OTOGL: variants seen among roughly 807,000 people sequenced by gnomAD.
The protein encoded by OTOGL is otogelin like.
A neutral mutation model predicts 318.5 loss-of-function variants in OTOGL; 285 were observed. The ratio of observed to expected loss-of-function variants is 0.89; its 90% CI spans 0.81 to 0.99. The LOEUF (loss-of-function observed/expected upper bound fraction) is 0.99, where lower values mean the gene tolerates loss of function less well. Ranked by LOEUF, OTOGL falls within the 50% of genes least tolerant of loss-of-function variation. The pLI is 0.00. For synonymous variants in OTOGL, 987 were observed against 936.5 expected, an observed-to-expected ratio of 1.05 and a Z score of -0.99; for missense variants, 2,899 against 2,845.6, an observed-to-expected ratio of 1.02 and a Z score of -0.43.
intron 26 of OTOGL, among the ~76,000 whole-genome samples, chr12:80,291,965 T>C (rs73358972): frequency 0.19 from 28,417 of 152,124 alleles, 3,249 homozygotes; most frequent in African/African-American, 0.31. Flanking sequence ...TTTTCTTTTT[T>C]TTCTTTTTCT....
At chr12:80,308,749 G>A (rs1008122521) in intron 29 of OTOGL, among the ~76,000 whole-genome samples, 8 of 152,340 alleles carry the variant, frequency 5.3e-5, no homozygotes, top group Admixed American at 1.3e-4. Flanking sequence ...CGGATCACTC[G>A]CGGTTAGGAG....
intron 26 of OTOGL, among the ~76,000 whole-genome samples, chr12:80,291,160 TG>T (rs1265973712): frequency 1.3e-5 from 2 of 152,208 alleles, no homozygotes; most frequent in Non-Finnish European, 2.9e-5. Flanking sequence ...TATGTTTAAT[TG>T]TAGAGAAATA....
intron 26 of OTOGL, among the ~76,000 whole-genome samples, chr12:80,291,267 T>C (rs1885025433): frequency 6.6e-6 from 1 of 152,240 alleles, no homozygotes; most frequent in East Asian, 1.9e-4. Context: ...CAGTTCCTCA[T>C]TTCTATGAAA....
intron 32 of OTOGL, among the ~76,000 whole-genome samples, chr12:80,315,354 A>G (rs891081960): frequency 1.3e-5 from 2 of 152,220 alleles, no homozygotes; most frequent in Non-Finnish European, 2.9e-5. Context: ...CTCAGCAAAC[A>G]TCCAGATTTG....
chr12:80,229,505 A>G (rs767247534), intron 8 of OTOGL, 127 bp downstream of exon 8: 5 of 1,283,466 alleles, frequency 3.9e-6, no homozygotes, highest in Non-Finnish European at 4.2e-6. Flanking sequence ...TCTTAAAGCT[A>G]TAACATACAG....
chr12:80,326,038 C>T (rs1887658563), intron 35 of OTOGL, among the ~76,000 whole-genome samples: 2 of 152,314 alleles, frequency 1.3e-5, no homozygotes, highest in African/African-American at 4.8e-5. Flanking sequence ...TGATTCTCAT[C>T]TCTACCTCCA....
chr12:80,210,224 A>C (rs1333293857), intron 2 of OTOGL, among the ~76,000 whole-genome samples: 1 of 152,136 alleles, frequency 6.6e-6, no homozygotes, highest in Admixed American at 6.6e-5. Flanking sequence ...AGTATTTTAA[A>C]TTCATGAAAT....
intron 1 of OTOGL, among the ~76,000 whole-genome samples, chr12:80,172,570 G>T (rs1874275022): frequency 6.6e-6 from 1 of 151,894 alleles, no homozygotes; most frequent in Non-Finnish European, 1.5e-5. Flanking sequence ...TCCTACAATT[G>T]GCTTGCTTTC....
intron 23 of OTOGL, 111 bp downstream of exon 23, chr12:80,270,265 T>A: frequency 1.2e-6 from 1 of 843,424 alleles, no homozygotes; most frequent in Non-Finnish European, 1.9e-6. Context: ...GGCTATAGCC[T>A]TGGGAATGTT....
At chr12:80,274,713 G>A (rs574606916) in intron 24 of OTOGL, among the ~76,000 whole-genome samples, 2 of 152,078 alleles carry the variant, frequency 1.3e-5, no homozygotes, top group East Asian at 1.9e-4. Flanking sequence ...AAGTTTCCAC[G>A]GACAGGCTGA....
At chr12:80,268,263 G>C (rs1197196092) in intron 22 of OTOGL, among the ~76,000 whole-genome samples, 2 of 151,992 alleles carry the variant, frequency 1.3e-5, no homozygotes, top group African/African-American at 4.8e-5. Flanking sequence ...CTTGTTTTGT[G>C]CTGGCACCAT....
intron 1 of OTOGL, among the ~76,000 whole-genome samples, chr12:80,150,043 C>T (rs1386738578): frequency 5.3e-5 from 8 of 152,176 alleles, no homozygotes; most frequent in African/African-American, 9.6e-5. Context: ...AGCTGTAGAC[C>T]GGAGCTGTTC....
intron 32 of OTOGL, among the ~76,000 whole-genome samples, chr12:80,317,291 C>A (rs915043476): frequency 6.6e-6 from 1 of 152,120 alleles, no homozygotes; most frequent in African/African-American, 2.4e-5. Context: ...CTTCTCCATG[C>A]AGAAAATTAA....
chr12:80,306,860 A>G (rs1395246774), intron 29 of OTOGL, among the ~76,000 whole-genome samples: 2 of 143,274 alleles, frequency 1.4e-5, no homozygotes, highest in Non-Finnish European at 3.0e-5. Context: ...GCAGAGGGGG[A>G]TTTGGCAGGA....
intron 1 of OTOGL, among the ~76,000 whole-genome samples, chr12:80,142,349 A>G (rs1872006422): frequency 6.6e-6 from 1 of 152,180 alleles, no homozygotes; most frequent in Admixed American, 6.6e-5. Context: ...ATGTATAGAA[A>G]GGAGCCCAGG....
chr12:80,323,015 AATG>A (rs1170009426), intron 34 of OTOGL, among the ~76,000 whole-genome samples: 1 of 152,002 alleles, frequency 6.6e-6, no homozygotes, highest in East Asian at 1.9e-4. Context: ...AAAATAGAAT[AATG>A]GATGGACAAT....
At chr12:80,125,522 G>A (rs1270241159) in intron 1 of OTOGL, among the ~76,000 whole-genome samples, 4 of 152,162 alleles carry the variant, frequency 2.6e-5, no homozygotes, top group Non-Finnish European at 2.9e-5. Context: ...GTCTCTGCCA[G>A]GCTTTGGTAT....
intron 1 of OTOGL, among the ~76,000 whole-genome samples, chr12:80,108,483 A>C (rs1869590106): frequency 6.6e-6 from 1 of 151,932 alleles, no homozygotes; most frequent in Non-Finnish European, 1.5e-5. Context: ...TAGTTGGCTA[A>C]AGTGACACTT....
At chr12:80,233,531 A>G (rs1879567558) in intron 9 of OTOGL, among the ~76,000 whole-genome samples, 1 of 152,222 alleles carries the variant, frequency 6.6e-6, no homozygotes. Flanking sequence ...GAATAAGTTG[A>G]ATAATTGACA....
Sources: gnomAD v4.1 joint callset for allele counts (sites outside exome capture counted in the v4.1 genomes callset) on GRCh38, gnomAD v4.1.1 for gene constraint, MANE v1.5 for transcripts, NCBI Gene and HGNC (gene_info 2026-07-23, HGNC 2026-07-21) for gene names.